The following COL6A2 variants were observed in gnomAD, a reference collection of about 807,000 sequenced individuals.
COL6A2 encodes collagen alpha-2(VI) chain.
A neutral mutation model predicts 124.9 loss-of-function variants in COL6A2; 90 were observed. The ratio of observed to expected loss-of-function variants is 0.72; its 90% confidence interval spans 0.61 to 0.86. The LOEUF is 0.86. Ranked by LOEUF, COL6A2 falls within the 40% of genes least tolerant of loss-of-function variation. The pLI, the probability that COL6A2 is intolerant of heterozygous loss-of-function variation, is 0.00. For missense variants in COL6A2, 1,607 were observed against 1,502.5 expected, an observed-to-expected ratio of 1.07 and a Z score of -1.15; for synonymous variants, 793 against 618.2, an observed-to-expected ratio of 1.28 and a Z score of -4.19.
At chr21:46,130,417 T>C (rs981926142) in intron 27 of COL6A2, among the ~76,000 whole-genome samples, 3 of 152,182 alleles carry the variant, frequency 2.0e-5, no homozygotes, top group Middle Eastern at 3.2e-3. Flanking sequence ...GCAGGAGCCC[T>C]CATCCAGGCT....
chr21:46,119,187 A>G, intron 14 of COL6A2, 68 bp downstream of exon 14: 1 of 1,231,550 alleles, frequency 8.1e-7, no homozygotes, highest in South Asian at 1.3e-5. Flanking sequence ...GAGGAGGACC[A>G]TGGGGGAAGG....
Position 46,119,023 on chromosome 21 carries a change from T to C in COL6A2, c.1180-7T>C. ...CTGGGTGACTGTGCTGTCCTCTCCT[T>C]CTTCAGGGGTATCAAGGCAACAGTG... is the stretch of plus-strand genomic sequence containing the variant. On this transcript the variant is annotated splice_polypyrimidine_tract_variant and splice_region_variant and intron_variant, in intron 13 of 27. Coordinates refer to ENST00000300527, the MANE Select transcript of COL6A2 (RefSeq NM_001849.4). 1 of 1,605,294 alleles carries C rather than the reference T, an allele frequency of 6.2e-7. No homozygotes were observed. The highest frequency in any genetic ancestry group is 8.5e-7 in the Non-Finnish European group (1 of 1,173,180).
At position 46,125,786 on chromosome 21, in the gene COL6A2, G is replaced by A. The variant is rs539774519; in HGVS notation, c.1971G>A (p.Gly657=). 1.9e-6 allele frequency: 3 copies of A among 1,611,366 alleles called. No homozygotes were observed. The South Asian group carries it at 3.3e-5, about 18-fold the overall frequency. The part of the protein sequence containing the change: ...AIAKDPKSET[G]TRVGVVQYSH... ...CGACCTCACGCGTGCGGCTTGCAGG[G>A]ACGCGTGTGGGCGTGGTGCAGTACA... is the stretch of plus-strand genomic sequence containing the variant. The change falls in exon 26 of 28, where the codon GGG becomes GGA. Residue 657 remains glycine (G), a splice_region_variant and synonymous_variant. Coordinates refer to ENST00000300527, the MANE Select transcript of COL6A2 (RefSeq NM_001849.4).
chr21:46,108,030 C>T (rs1448425584), intron 1 of COL6A2, among the ~76,000 whole-genome samples: 1 of 151,858 alleles, frequency 6.6e-6, no homozygotes, highest in Non-Finnish European at 1.5e-5. Context: ...TTCTAAGTGG[C>T]TCACTAAATT....
intron 27 of COL6A2, chr21:46,129,368 C>G: frequency 6.2e-7 from 1 of 1,612,974 alleles, no homozygotes; most frequent in Non-Finnish European, 8.5e-7. Flanking sequence ...TCTACACCGC[C>G]GAGCGGGCCA....
intron 27 of COL6A2, chr21:46,129,513 G>GGGC: frequency 6.5e-7 from 1 of 1,535,214 alleles, no homozygotes. Context: ...CCGCCCAGCC[G>GGGC]GGCTGGGCCC....
At chr21:46,117,375 C>T (rs917135574) in intron 10 of COL6A2, 25 bp from the exon 11 acceptor site, 1 of 1,611,180 alleles carries the variant, frequency 6.2e-7, no homozygotes, top group Non-Finnish European at 8.5e-7. Flanking sequence ...CGCCCTGAGA[C>T]TCCTCCTGCC....
rs2078657637 is a variant in COL6A2, at chr21:46,125,919, T to C, written c.2104T>C (p.Trp702Arg). The C allele has an allele frequency of 6.2e-7, 1 of 1,613,136 alleles. No homozygotes were observed. The highest frequency in any genetic ancestry group is 8.5e-7 in the Non-Finnish European group (1 of 1,179,934). Residue 702 changes from tryptophan (W) to arginine (R), a missense_variant, in exon 26 of 28, where the codon TGG becomes CGG. This residue lies in a region of COL6A2 where 1,223 missense variants were observed against 1,052.2 expected (regional missense o/e 1.16). Transcript: ENST00000300527. ...CCTCGAGTGGATTGCGGGCGGCACC[T>C]GGACACCCTCAGCCCTCAAGTTTGC... ...KNLEWIAGGT[W>R]TPSALKFAYD...
chr21:46,121,072 C>T lies in COL6A2; in HGVS notation c.1407C>T (p.Gly469=), dbSNP rs775867136. ...VGNKGAKGDR[G]LPGPRGPQGA... ...CCCCTTTCTTCCAGGGAGACCGAGG[C>T]TTGCCTGGACCCAGAGGCCCCCAGG... The change falls in exon 17 of 28, where the codon GGC becomes GGT. Residue 469 remains glycine (G), a synonymous_variant. Coordinates refer to ENST00000300527, the MANE Select transcript of COL6A2 (RefSeq NM_001849.4). The T allele has an allele frequency of 7.4e-6, 12 of 1,612,788 alleles. No homozygotes were observed. Among genetic ancestry groups the T allele is most frequent in the Non-Finnish European group, 1.0e-5 (12 of 1,179,914 alleles).
intron 1 of COL6A2, among the ~76,000 whole-genome samples, chr21:46,102,209 A>G (rs2078295346): frequency 6.6e-6 from 1 of 152,122 alleles, no homozygotes; most frequent in South Asian, 2.1e-4. Flanking sequence ...ATTGTTAGTG[A>G]ATAGAAATAC....
chr21:46,105,958 C>G (rs1454646052), intron 1 of COL6A2, among the ~76,000 whole-genome samples: 1 of 152,140 alleles, frequency 6.6e-6, no homozygotes. Flanking sequence ...TTTAGAAAGC[C>G]AAATCCAACT....
In COL6A2 at chr21:46,122,551, A is replaced by C. The variant is rs763074957; in HGVS notation, c.1608+20A>C. On this transcript the variant is annotated intron_variant, in intron 20 of 27. Transcript: ENST00000300527. ...CCCGAGGTATGTGTGGGTCCTGGCC[A>C]CCTGTGCCCACCCAGGGTGGGGGTC... 1.9e-6 allele frequency: 3 copies of C among 1,612,312 alleles called. No homozygotes were observed. The highest frequency in any genetic ancestry group is 2.5e-6 in the Non-Finnish European group (3 of 1,179,752).
rs553174831 is a variant in COL6A2, at chr21:46,121,574, G to T, written c.1477G>T (p.Gly493Cys). The T allele has an allele frequency of 6.2e-7, 1 of 1,612,838 alleles. No individual in the cohort carries two copies. Among genetic ancestry groups the T allele is most frequent in the Non-Finnish European group, 8.5e-7 (1 of 1,179,956 alleles). ...PGKQGSRGDP[G>C]DAGPRGDSGQ... ...CCCTCAGGGATCTCGGGGAGACCCC[G>T]GTGATGCAGGACCCCGTGGAGACTC... is the stretch of plus-strand genomic sequence containing the variant. The change falls in exon 18 of 28, where the codon GGT (glycine) becomes TGT (cysteine). Residue 493 changes from glycine to cysteine, a missense_variant. Around this residue, in one of 3 missense-constraint regions of COL6A2, gnomAD observed 1,223 missense variants for 1,052.2 expected, o/e 1.16. Transcript: ENST00000300527.
In COL6A2 at chr21:46,111,603, CG is replaced by C; in HGVS notation, c.115+17del. ...CAACAACTGCCCAGGTGCCAGGGGTCGGGGGCCGGGGGCTCTGGGCATTTGG... is the reference window on the plus strand; with the variant it reads ...CAACAACTGCCCAGGTGCCAGGGGTCGGGGCCGGGGGCTCTGGGCATTTGG... On this transcript the variant is annotated intron_variant, in intron 2 of 27. Transcript: ENST00000300527. 1.9e-6 allele frequency: 3 copies of C among 1,558,684 alleles called. No homozygotes were observed. Among genetic ancestry groups the C allele is most frequent in the South Asian group, 1.1e-5 (1 of 89,420 alleles).
chr21:46,121,130 G>C lies in COL6A2; in HGVS notation c.1458+7G>C. ...TGGGGAGCCCGGAAAGCAGGTCAGT[G>C]TCAGTGCAGGAGGCCGGTGCCCTCT... On this transcript the variant is annotated splice_region_variant and intron_variant, in intron 17 of 27. Coordinates refer to ENST00000300527, the MANE Select transcript of COL6A2 (RefSeq NM_001849.4). The C allele has an allele frequency of 6.2e-7, 1 of 1,612,666 alleles. No homozygotes were observed. The highest frequency in any genetic ancestry group is 8.5e-7 in the Non-Finnish European group (1 of 1,179,872).
intron 27 of COL6A2, chr21:46,129,566 G>A: frequency 6.8e-7 from 1 of 1,463,614 alleles, no homozygotes; most frequent in South Asian, 1.4e-5. Flanking sequence ...CGACAGGCTG[G>A]CTCTCAGTGG....
chr21:46,129,054 C>T (rs940003888), intron 27 of COL6A2: 7 of 1,600,226 alleles, frequency 4.4e-6, no homozygotes, highest in South Asian at 2.2e-5. Flanking sequence ...GCCACACACC[C>T]GCTCCACCTG....
chr21:46,101,845 C>G (rs553287270), intron 1 of COL6A2, among the ~76,000 whole-genome samples: 2 of 89,592 alleles, frequency 2.2e-5, no homozygotes, highest in Non-Finnish European at 4.2e-5. Flanking sequence ...TTATCTTTCA[C>G]GATTTTTTTT....
At chr21:46,123,462 C>T (rs1260169452) in intron 21 of COL6A2, among the ~76,000 whole-genome samples, 3 of 152,024 alleles carry the variant, frequency 2.0e-5, no homozygotes, top group Non-Finnish European at 4.4e-5. Flanking sequence ...ACCAGGGCTG[C>T]AGGTTGGTCT....
Sources: allele counts gnomAD v4.1 joint callset (sites outside exome capture counted in the v4.1 genomes callset), GRCh38; gene constraint gnomAD v4.1.1; regional missense constraint gnomAD v4.1.1; transcripts MANE v1.5; gene names NCBI Gene and HGNC (gene_info 2026-07-23, HGNC 2026-07-21).